Variants in SCARA5 observed in about 807,000 individuals in gnomAD.
SCARA5 encodes the protein scavenger receptor class A, member 5 (putative).
In SCARA5, 45 loss-of-function variants were observed where a neutral mutation model predicts 46.3. The observed-to-expected ratio is 0.97, with a 90% CI of 0.76 to 1.24. The LOEUF (loss-of-function observed/expected upper bound fraction) is 1.24, where lower values mean the gene tolerates loss of function less well. Ranked by LOEUF, SCARA5 falls within the 50% of genes most tolerant of loss-of-function variation. The pLI, the probability that SCARA5 is intolerant of heterozygous loss-of-function variation, is 0.00. For synonymous variants in SCARA5, 333 were observed against 306.5 expected, an observed-to-expected ratio of 1.09 and a Z score of -0.90; for missense variants, 680 against 689.0, an observed-to-expected ratio of 0.99 and a Z score of 0.15.
At chr8:27,930,926 CAG>C (rs978265110) in intron 3 of SCARA5, among the ~76,000 whole-genome samples, 1 of 152,082 alleles carries the variant, frequency 6.6e-6, no homozygotes, top group Non-Finnish European at 1.5e-5. Context: ...ACATCTAGGG[CAG>C]AGTGTCAGAA....
chr8:27,896,663 T>C (rs1026922928), intron 7 of SCARA5, among the ~76,000 whole-genome samples: 2 of 152,064 alleles, frequency 1.3e-5, no homozygotes, highest in African/African-American at 4.8e-5. Flanking sequence ...CAAGTGACTT[T>C]TCAAACCTCT....
intron 3 of SCARA5, among the ~76,000 whole-genome samples, chr8:27,938,002 C>T (rs535167484): frequency 6.6e-6 from 1 of 152,112 alleles, no homozygotes; most frequent in African/African-American, 2.4e-5. Context: ...ACAATTCAGT[C>T]CATAACTAGC....
rs145379857 is a variant in SCARA5, at chr8:27,883,508, G to A, written c.1154-3742C>T. Among the ~76,000 whole-genome samples, 311 of 152,314 alleles carry A rather than the reference G, an allele frequency of 2.0e-3. 2 individuals carry two copies. Among genetic ancestry groups the A allele is most frequent in the African/African-American group, 7.0e-3 (290 of 41,568 alleles). ...CTTATCAAAATCATTAGGAACACCA[G>A]ATTCCACGGCCAATCCAGACCTACT... On this transcript the variant is annotated intron_variant, in intron 7 of 8. Coordinates refer to ENST00000354914, the MANE Select transcript of SCARA5 (RefSeq NM_173833.6).
At chr8:27,894,169 G>C (rs2685375) in intron 7 of SCARA5, among the ~76,000 whole-genome samples, 149,605 of 152,352 alleles carry the variant, frequency 0.98, 73,516 homozygotes, top group East Asian at 1. Context: ...TTCTTCAGAG[G>C]AGCTCCATGA....
chr8:27,939,106 T>A (rs1807903111), intron 3 of SCARA5, among the ~76,000 whole-genome samples: 1 of 152,112 alleles, frequency 6.6e-6, no homozygotes, highest in Non-Finnish European at 1.5e-5. Flanking sequence ...ATTTTTAAAG[T>A]TTTATAGTAG....
chr8:27,969,427 A>T (rs1182226765), intron 2 of SCARA5, among the ~76,000 whole-genome samples: 1 of 152,212 alleles, frequency 6.6e-6, no homozygotes, highest in Admixed American at 6.5e-5. Context: ...GTATGATTCT[A>T]ACTATGTGAT....
intron 7 of SCARA5, among the ~76,000 whole-genome samples, chr8:27,886,498 G>A (rs1336784289): frequency 2.0e-5 from 3 of 152,186 alleles, no homozygotes; most frequent in Admixed American, 2.0e-4. Flanking sequence ...GATGTAGGCT[G>A]CCCTGATTCA....
At chr8:27,988,435 G>A (rs189473993) in intron 1 of SCARA5, among the ~76,000 whole-genome samples, 17 of 152,320 alleles carry the variant, frequency 1.1e-4, no homozygotes, top group African/African-American at 3.8e-4. Flanking sequence ...GCCTGTTGAC[G>A]CAACAATGTG....
intron 2 of SCARA5, among the ~76,000 whole-genome samples, chr8:27,984,555 T>C (rs1205844508): frequency 1.3e-5 from 2 of 152,062 alleles, no homozygotes; most frequent in African/African-American, 4.8e-5. Context: ...CATCCATCCA[T>C]TCATTCACCC....
rs568145284 is a variant in SCARA5 at position 27,912,131 on chromosome 8, C to T, written c.917-2388G>A. Among the ~76,000 whole-genome samples, 117 of 152,252 alleles carry T rather than the reference C, an allele frequency of 7.7e-4. 2 individuals carry two copies. Among genetic ancestry groups the T allele is most frequent in the African/African-American group, 2.5e-3 (103 of 41,550 alleles). Reference sequence around the variant, plus strand: ...GAGAAAATAAGCTTCTGTTAAACCACCAAGTTTATGATGCTTTGTTATGGC... The same window carrying T: ...GAGAAAATAAGCTTCTGTTAAACCATCAAGTTTATGATGCTTTGTTATGGC... On this transcript the variant is annotated intron_variant, in intron 4 of 8. Transcript: ENST00000354914.
At chr8:27,927,152 C>T (rs1439306629) in intron 3 of SCARA5, among the ~76,000 whole-genome samples, 1 of 152,192 alleles carries the variant, frequency 6.6e-6, no homozygotes, top group South Asian at 2.1e-4. Flanking sequence ...CCTAGCCCCT[C>T]CTTCCCTCTG....
chr8:27,967,731 G>A (rs1808391296), intron 2 of SCARA5, among the ~76,000 whole-genome samples: 1 of 152,058 alleles, frequency 6.6e-6, no homozygotes, highest in African/African-American at 2.4e-5. Flanking sequence ...TGGCCAATAT[G>A]GTGAAACCCT....
chr8:27,905,003 T>A (rs1194339347), intron 6 of SCARA5, among the ~76,000 whole-genome samples, 169 bp from the exon 7 acceptor site: 3 of 152,172 alleles, frequency 2.0e-5, no homozygotes, highest in Non-Finnish European at 4.4e-5. Context: ...AATTCTGCCA[T>A]CTGCCCTGGG....
chr8:27,920,848 C>A (rs772511407), intron 4 of SCARA5, among the ~76,000 whole-genome samples: 6 of 151,358 alleles, frequency 4.0e-5, no homozygotes, highest in Admixed American at 6.6e-5. Flanking sequence ...AGTTACAGGG[C>A]GCCTGTAGTC....
chr8:27,952,500 G>A (rs1209523611), intron 3 of SCARA5, among the ~76,000 whole-genome samples: 1 of 152,076 alleles, frequency 6.6e-6, no homozygotes, highest in Admixed American at 6.5e-5. Flanking sequence ...TCACCCAGGG[G>A]ACACAGGCTG....
intron 7 of SCARA5, chr8:27,903,662 C>T (rs1807197305): frequency 6.6e-6 from 1 of 152,404 alleles, no homozygotes; most frequent in South Asian, 2.1e-4. Flanking sequence ...AGGCCTATGG[C>T]TAATTATTAG....
chr8:27,981,358 G>A (rs1176747723), intron 2 of SCARA5, among the ~76,000 whole-genome samples: 2 of 152,208 alleles, frequency 1.3e-5, no homozygotes, highest in East Asian at 3.9e-4. Flanking sequence ...TCAGGGATGG[G>A]AGCAGTTGCC....
chr8:27,875,663 A>G (rs1806712626), intron 8 of SCARA5, among the ~76,000 whole-genome samples: 2 of 151,970 alleles, frequency 1.3e-5, no homozygotes, highest in Non-Finnish European at 1.5e-5. Context: ...GCAGGAGGCC[A>G]ACTAAGAAGA....
Position 27,879,731 on chromosome 8 carries a change from T to A in SCARA5, c.1189A>T (p.Asn397Tyr). 3.7e-6 allele frequency: 6 copies of A among 1,613,078 alleles called. No individual in the cohort carries two copies. The highest frequency in any genetic ancestry group is 5.1e-6 in the Non-Finnish European group (6 of 1,179,994). Residue 397 changes from asparagine (N) to tyrosine (Y), a missense_variant, in exon 8 of 9, where the codon AAT becomes TAT. By Grantham distance (143) the Asn-to-Tyr change is moderately radical. This residue lies in a region of SCARA5 where 219 missense variants were observed against 269.5 expected (regional missense o/e 0.81). Transcript: ENST00000354914. ...VEAPMMIRLV[N>Y]GSGPHEGRVE... ...CGGCCCTCGTGCGGACCTGAGCCATTCACCAGGCGGATCATCATCGGGGCC... is the reference window on the plus strand; with the variant it reads ...CGGCCCTCGTGCGGACCTGAGCCATACACCAGGCGGATCATCATCGGGGCC...
Sources: gnomAD v4.1 joint callset for allele counts (sites outside exome capture counted in the v4.1 genomes callset) on GRCh38, gnomAD v4.1.1 for gene constraint, gnomAD v4.1.1 regional missense constraint, MANE v1.5 for transcripts, NCBI Gene and HGNC (gene_info 2026-07-23, HGNC 2026-07-21) for gene names.